HAMP: variants seen among roughly 807,000 people sequenced by gnomAD.
HAMP encodes the protein hepcidin antimicrobial peptide, also known as hepcidin.
A neutral mutation model predicts 7.8 loss-of-function variants in HAMP; 5 were observed. That is an observed-to-expected ratio of 0.64 (90% CI 0.33 to 1.34). The LOEUF is 1.34. HAMP is among the 40% of genes most tolerant of loss of function. The pLI is 0.05. For missense variants in HAMP, 105 were observed against 104.1 expected, an observed-to-expected ratio of 1.01 and a Z score of -0.04; for synonymous variants, 52 against 38.6, an observed-to-expected ratio of 1.35 and a Z score of -1.28.
At chr19:35,284,717 G>A in intron 1 of HAMP, 72 bp from the exon 2 acceptor site, 4 of 1,145,992 alleles carry the variant, frequency 3.5e-6, no homozygotes, top group South Asian at 1.2e-5. Flanking sequence ...GAGAGGAGCA[G>A]GTTGCCGGGA....
In HAMP at chr19:35,282,605, G is replaced by T. The variant is rs780532638; in HGVS notation, c.28G>T (p.Ala10Ser). 3 of 1,614,078 alleles carry T rather than the reference G, an allele frequency of 1.9e-6. No individual in the cohort carries two copies. The highest frequency in any genetic ancestry group is 2.5e-6 in the Non-Finnish European group (3 of 1,179,982). The change falls in exon 1 of 3, where the codon GCT (alanine) becomes TCT (serine). Residue 10 changes from alanine to serine, a missense_variant. By Grantham distance (99) the Ala-to-Ser change is moderately conservative. Transcript: ENST00000222304. ...GGCACTGAGCTCCCAGATCTGGGCC[G>T]CTTGCCTCCTGCTCCTCCTCCTCCT... MALSSQIWA[A>S]CLLLLLLLAS...
chr19:35,285,045 C>T lies in HAMP; in HGVS notation c.*3C>T, dbSNP rs371421756. Reference sequence around the variant, plus strand: ...GTGGGATGTGCTGCAAGACGTAGAACCTACCTGCCCTGCCCCCGTCCCCTC... The same window carrying T: ...GTGGGATGTGCTGCAAGACGTAGAATCTACCTGCCCTGCCCCCGTCCCCTC... On this transcript the variant is annotated 3_prime_UTR_variant, in exon 3 of 3. Transcript: ENST00000222304. 3 of 1,578,674 alleles carry T rather than the reference C, an allele frequency of 1.9e-6. No homozygotes were observed. The African/African-American group carries it at 4.0e-5, about 21-fold the overall frequency.
rs566867060 is a variant in HAMP at position 35,284,607 on chromosome 19, T to C, written c.91-182T>C. ...AAGAGGAGGAGGCGGATCTGGGAGG[T>C]TTTTTTTTTTAGGAAAAGCCGCCCA... On this transcript the variant is annotated intron_variant, in intron 1 of 2. Transcript: ENST00000222304. The C allele has an allele frequency of 4.0e-5, 12 of 300,828 alleles. No individual in the cohort carries two copies. The East Asian group carries it at 5.9e-4, about 15-fold the overall frequency. The allele number at this position is 300,828 out of a possible 1,614,324, so 18.6% of individuals were successfully genotyped here.
chr19:35,283,049 T>C (rs559038433), intron 1 of HAMP: 3 of 310,674 alleles, frequency 9.7e-6, no homozygotes, highest in Non-Finnish European at 1.9e-5. Flanking sequence ...ATTGCACCAC[T>C]GCACTCCAGC....
At chr19:35,283,263 A>C (rs1159383177) in intron 1 of HAMP, 3 of 168,228 alleles carry the variant, frequency 1.8e-5, no homozygotes, top group African/African-American at 4.8e-5. Context: ...AATTTGTTAA[A>C]GACTGATGAA....
chr19:35,284,505 G>A, intron 1 of HAMP: 1 of 560,210 alleles, frequency 1.8e-6, no homozygotes, highest in Non-Finnish European at 3.2e-6. Flanking sequence ...CAAGAATGCA[G>A]GGAGGTGTGT....
intron 2 of HAMP, 24 bp from the exon 3 acceptor site, chr19:35,284,914 C>G (rs913831140): frequency 1.2e-6 from 2 of 1,607,438 alleles, no homozygotes; most frequent in African/African-American, 1.3e-5. Flanking sequence ...CGGTTCCCTG[C>G]TCACATTCCC....
At chr19:35,284,338 G>C in intron 1 of HAMP, 1 of 197,252 alleles carries the variant, frequency 5.1e-6, no homozygotes, top group East Asian at 1.2e-4. Flanking sequence ...CCAGCTACTC[G>C]GGAAGCTGAG....
At chr19:35,284,022 TG>T (rs2066315160) in intron 1 of HAMP, 1 of 151,990 alleles carries the variant, frequency 6.6e-6, no homozygotes, top group South Asian at 2.1e-4. Flanking sequence ...CTTGAACTCC[TG>T]ACCTCAGGTG....
chr19:35,284,700 C>T (rs1271540086), intron 1 of HAMP, 89 bp from the exon 2 acceptor site: 2 of 980,762 alleles, frequency 2.0e-6, no homozygotes, highest in African/African-American at 3.2e-5. Context: ...TGGGTTTAAA[C>T]CACTTGGAGA....
chr19:35,285,019 T>C lies in HAMP; in HGVS notation c.232T>C (p.Cys78Arg), dbSNP rs1422182034. Residue 78 changes from cysteine to arginine, a missense_variant, in exon 3 of 3, where the codon TGT (cysteine) becomes CGT (arginine). By Grantham distance (180) the Cys-to-Arg change is radical. Coordinates refer to ENST00000222304, the MANE Select transcript of HAMP (RefSeq NM_021175.4). The stretch of plus-strand genomic sequence containing the variant: ...CTGCGGCTGCTGTCATCGATCAAAG[T>C]GTGGGATGTGCTGCAAGACGTAGAA... ...FCCGCCHRSK[C>R]GMCCKT 1.2e-6 allele frequency: 2 copies of C among 1,613,124 alleles called. No homozygotes were observed. Among genetic ancestry groups the C allele is most frequent in the Non-Finnish European group, 1.7e-6 (2 of 1,179,194 alleles).
At chr19:35,282,739 T>C in intron 1 of HAMP, 72 bp downstream of exon 1, 1 of 1,181,400 alleles carries the variant, frequency 8.5e-7, no homozygotes, top group Non-Finnish European at 1.3e-6. Flanking sequence ...CCTAGGGCAC[T>C]GGAGACACCC....
chr19:35,282,603 C>G lies in HAMP; in HGVS notation c.26C>G (p.Ala9Gly). MALSSQIW[A>G]ACLLLLLLLA... ...ATGGCACTGAGCTCCCAGATCTGGG[C>G]CGCTTGCCTCCTGCTCCTCCTCCTC... The change falls in exon 1 of 3, where the codon GCC (alanine) becomes GGC (glycine). Residue 9 changes from alanine (A) to glycine (G), a missense_variant. Ala to Gly is a moderately conservative substitution (Grantham distance 60, BLOSUM62 0). Coordinates refer to ENST00000222304, the MANE Select transcript of HAMP (RefSeq NM_021175.4). 6.2e-7 allele frequency: 1 copy of G among 1,614,086 alleles called. No individual in the cohort carries two copies. The highest frequency in any genetic ancestry group is 8.5e-7 in the Non-Finnish European group (1 of 1,179,958).
intron 1 of HAMP, 108 bp from the exon 2 acceptor site, chr19:35,284,681 T>C (rs937147270): frequency 1.7e-5 from 14 of 833,214 alleles, no homozygotes; most frequent in Non-Finnish European, 2.9e-5. Context: ...TAAGAGTCCA[T>C]TTGAGCTCTG....
chr19:35,285,105 G>A lies in HAMP; in HGVS notation c.*63G>A, dbSNP rs2066320992. ...TTTATTCCTGCTGCCCCAGAACATA[G>A]GTCTTGGAATAAAATGGCTGGTTCT... On this transcript the variant is annotated 3_prime_UTR_variant, in exon 3 of 3. Transcript: ENST00000222304. 9.5e-7 allele frequency: 1 copy of A among 1,056,762 alleles called. No homozygotes were observed. The highest frequency in any genetic ancestry group is 1.7e-5 in the Admixed American group (1 of 59,220). The allele number at this position is 1,056,762 out of a possible 1,614,324, so 65.5% of individuals were successfully genotyped here.
At chr19:35,282,699 G>T in intron 1 of HAMP, 32 bp downstream of exon 1, 1 of 1,540,400 alleles carries the variant, frequency 6.5e-7, no homozygotes, top group Non-Finnish European at 9.0e-7. Flanking sequence ...TCCTTAGCAG[G>T]GCAGCAGGGA....
At position 35,285,036 on chromosome 19, in the gene HAMP, G is replaced by C; in HGVS notation, c.249G>C (p.Lys83Asn). 1 of 1,607,726 alleles carries C rather than the reference G, an allele frequency of 6.2e-7. No homozygotes were observed. Among genetic ancestry groups the C allele is most frequent in the South Asian group, 1.1e-5 (1 of 90,946 alleles). ...GATCAAAGTGTGGGATGTGCTGCAA[G>C]ACGTAGAACCTACCTGCCCTGCCCC... ...CHRSKCGMCCKT is the reference protein window; with the variant it reads ...CHRSKCGMCCNT Residue 83 changes from lysine (K) to asparagine (N), a missense_variant, in exon 3 of 3, where the codon AAG becomes AAC. Transcript: ENST00000222304.
intron 1 of HAMP, chr19:35,284,350 C>G: frequency 4.9e-6 from 1 of 203,140 alleles, no homozygotes; most frequent in South Asian, 8.9e-5. Flanking sequence ...GAAGCTGAGG[C>G]GGGAGCATCG....
At chr19:35,282,944 G>C in intron 1 of HAMP, 1 of 400,494 alleles carries the variant, frequency 2.5e-6, no homozygotes, top group African/African-American at 2.1e-5. Context: ...AGTTAGCCAG[G>C]CTTGGTGGCA....
Sources: gnomAD v4.1 joint callset for allele counts on GRCh38, gnomAD v4.1.1 for gene constraint, MANE v1.5 for transcripts, NCBI Gene and HGNC (gene_info 2026-07-23, HGNC 2026-07-21) for gene names.